Variants in AFAP1L2 observed in about 807,000 individuals in gnomAD.
AFAP1L2 encodes actin filament-associated protein 1-like 2.
In AFAP1L2, 46 loss-of-function variants were observed where a neutral mutation model predicts 99.3. That is an observed-to-expected ratio of 0.46 (90% CI 0.37 to 0.59). The LOEUF (loss-of-function observed/expected upper bound fraction) is 0.59. AFAP1L2 is among the 20% of genes least tolerant of loss of function. AFAP1L2 has a pLI of 0.00. For missense variants in AFAP1L2, 959 were observed against 1,034.9 expected (o/e 0.93, Z 1.01); for synonymous variants, 397 against 419.1 (o/e 0.95, Z 0.64).
At chr10:114,372,958 C>G (rs533245174) in intron 1 of AFAP1L2, among the ~76,000 whole-genome samples, 1 of 152,358 alleles carries the variant, frequency 6.6e-6, no homozygotes, top group South Asian at 2.1e-4. Context: ...TGCCCCATTC[C>G]TTTTACCAGC....
intron 5 of AFAP1L2, among the ~76,000 whole-genome samples, chr10:114,320,072 A>C (rs2044904606): frequency 6.6e-6 from 1 of 152,110 alleles, no homozygotes; most frequent in African/African-American, 2.4e-5. Context: ...CCCACACTGA[A>C]ATACCCGAGT....
In AFAP1L2 at chr10:114,324,711, C is replaced by T. The variant is rs553408889; in HGVS notation, c.316-1450G>A. ...GGCCTGGGCCTTCAAGGAGGCTCCA[C>T]GTGAAAGCACAGGCAGGCTGTGAGG... On this transcript the variant is annotated intron_variant, in intron 4 of 18. Coordinates refer to ENST00000304129, the MANE Select transcript of AFAP1L2 (RefSeq NM_001001936.3). 8.4e-4 allele frequency among the ~76,000 whole-genome samples: 128 copies of T among 152,272 alleles called. 1 individual carries two copies. The highest frequency in any genetic ancestry group is 2.9e-3 in the African/African-American group (121 of 41,556).
chr10:114,324,749 T>C (rs1185249080), intron 4 of AFAP1L2, among the ~76,000 whole-genome samples: 2 of 151,698 alleles, frequency 1.3e-5, no homozygotes, highest in Non-Finnish European at 2.9e-5. Flanking sequence ...GGGGAGGTTG[T>C]AGGGGGAGAT....
intron 4 of AFAP1L2, among the ~76,000 whole-genome samples, chr10:114,328,632 T>C (rs2046786686): frequency 1.3e-5 from 2 of 152,210 alleles, no homozygotes; most frequent in Admixed American, 1.3e-4. Flanking sequence ...CGGTTGATGG[T>C]CTGGCTAGCA....
chr10:114,312,234 A>AGTGTGT (rs58275552), intron 7 of AFAP1L2, among the ~76,000 whole-genome samples: 11 of 145,512 alleles, frequency 7.6e-5, no homozygotes, highest in African/African-American at 2.6e-4. Context: ...GCAAGAGCAG[A>AGTGTGT]GTGTGTGTGT....
chr10:114,339,943 G>A (rs967856339), intron 2 of AFAP1L2, among the ~76,000 whole-genome samples: 12 of 150,264 alleles, frequency 8.0e-5, no homozygotes, highest in African/African-American at 2.9e-4. Context: ...CCTGGGAGGT[G>A]GAGGTTGCAG....
At chr10:114,344,907 G>T (rs144987586) in intron 1 of AFAP1L2, among the ~76,000 whole-genome samples, 1 of 152,070 alleles carries the variant, frequency 6.6e-6, no homozygotes, top group East Asian at 1.9e-4. Context: ...GACCAGCCTG[G>T]CCAACCTGGC....
chr10:114,370,105 C>T (rs2053895634), intron 1 of AFAP1L2, among the ~76,000 whole-genome samples: 1 of 152,216 alleles, frequency 6.6e-6, no homozygotes, highest in South Asian at 2.1e-4. Flanking sequence ...AAGTTTTCTC[C>T]AATTCCAAAA....
At chr10:114,367,575 C>T (rs1185804434) in intron 1 of AFAP1L2, among the ~76,000 whole-genome samples, 1 of 152,198 alleles carries the variant, frequency 6.6e-6, no homozygotes, top group Non-Finnish European at 1.5e-5. Context: ...TGAGTCCAGT[C>T]CTCAAAGCAG....
intron 9 of AFAP1L2, 127 bp downstream of exon 9, chr10:114,308,306 G>A: frequency 1.3e-6 from 1 of 755,906 alleles, no homozygotes; most frequent in South Asian, 1.8e-5. Context: ...TCTAACAGCA[G>A]TATTTCCGAG....
At chr10:114,308,551 G>A (rs769255563) in intron 8 of AFAP1L2, 34 bp from the exon 9 acceptor site, 9 of 1,586,628 alleles carry the variant, frequency 5.7e-6, no homozygotes, top group Non-Finnish European at 6.9e-6. Context: ...GGGGATCACT[G>A]GCTGGGAACA....
intron 1 of AFAP1L2, among the ~76,000 whole-genome samples, chr10:114,354,737 G>T (rs2051068268): frequency 6.6e-6 from 1 of 152,176 alleles, no homozygotes; most frequent in Non-Finnish European, 1.5e-5. Context: ...TAACGATTAA[G>T]CCAGTGCTCA....
intron 2 of AFAP1L2, among the ~76,000 whole-genome samples, chr10:114,333,519 G>A (rs2047511449): frequency 6.6e-6 from 1 of 152,174 alleles, no homozygotes; most frequent in Non-Finnish European, 1.5e-5. Context: ...CTGACCGAGG[G>A]TGTGGGGGCA....
At chr10:114,302,250 T>C in intron 12 of AFAP1L2, 89 bp downstream of exon 12, 1 of 1,560,332 alleles carries the variant, frequency 6.4e-7, no homozygotes, top group Non-Finnish European at 8.8e-7. Context: ...GACCCTGTGC[T>C]CCCTGCTGCC....
chr10:114,334,820 G>A (rs1442251232), intron 2 of AFAP1L2, among the ~76,000 whole-genome samples: 2 of 152,238 alleles, frequency 1.3e-5, no homozygotes, highest in African/African-American at 4.8e-5. Context: ...GGGAGAGGCA[G>A]GAGACGGGGT....
Position 114,340,675 on chromosome 10 carries a change from T to C in AFAP1L2, c.73A>G (p.Asn25Asp), listed in dbSNP as rs199926825. Reference protein sequence around the residue: ...DDFLKILDQENLSSTALVKKS... With the variant: ...DDFLKILDQEDLSSTALVKKS... ...TTCACCAGTGCTGTGCTGCTCAGGTTCTCCTGGTCAAGAATCTTGAGGAAG... is the reference window on the plus strand; with the variant it reads ...TTCACCAGTGCTGTGCTGCTCAGGTCCTCCTGGTCAAGAATCTTGAGGAAG... Residue 25 changes from asparagine (N) to aspartate (D), a missense_variant, in exon 2 of 19, where the codon AAC (asparagine) becomes GAC (aspartate). Transcript: ENST00000304129. 1 of 1,614,152 alleles carries C rather than the reference T, an allele frequency of 6.2e-7. No homozygotes were observed. The highest frequency in any genetic ancestry group is 1.3e-5 in the African/African-American group (1 of 75,046).
At chr10:114,364,033 G>A (rs1000486241) in intron 1 of AFAP1L2, among the ~76,000 whole-genome samples, 2 of 152,218 alleles carry the variant, frequency 1.3e-5, no homozygotes, top group African/African-American at 2.4e-5. Flanking sequence ...AGGCATCTTT[G>A]AGCAGCAATT....
At chr10:114,315,827 C>T (rs1370260516) in intron 5 of AFAP1L2, 62 bp from the exon 6 acceptor site, 4 of 1,505,328 alleles carry the variant, frequency 2.7e-6, no homozygotes, top group Non-Finnish European at 2.7e-6. Context: ...GAAGCAGCAT[C>T]GCTGGGGAGG....
intron 1 of AFAP1L2, among the ~76,000 whole-genome samples, chr10:114,360,814 G>C (rs1184771389): frequency 6.6e-6 from 1 of 152,130 alleles, no homozygotes; most frequent in Non-Finnish European, 1.5e-5. Context: ...CCACAGATCA[G>C]GACAATATCT....
Sources: allele counts gnomAD v4.1 joint callset (sites outside exome capture counted in the v4.1 genomes callset), GRCh38; gene constraint gnomAD v4.1.1; transcripts MANE v1.5; gene names NCBI Gene and HGNC (gene_info 2026-07-23, HGNC 2026-07-21).